The following RAB7A variants were observed in gnomAD, a reference collection of about 807,000 sequenced individuals.
The protein encoded by RAB7A is ras-related protein Rab-7a.
Under a neutral mutation model 24.5 loss-of-function variants are expected in RAB7A, and 2 were observed. The ratio of observed to expected loss-of-function variants is 0.08; its 90% CI spans 0.03 to 0.26. RAB7A has a LOEUF of 0.26. RAB7A is among the 10% of genes least tolerant of loss of function. RAB7A has a pLI of 1.00. For missense variants in RAB7A, 118 were observed against 255.7 expected (o/e 0.46, Z 3.67); for synonymous variants, 100 against 95.9 (o/e 1.04, Z -0.25).
intron 1 of RAB7A, among the ~76,000 whole-genome samples, chr3:128,789,621 C>T (rs1933412304): frequency 6.6e-6 from 1 of 152,086 alleles, no homozygotes; most frequent in South Asian, 2.1e-4. Flanking sequence ...GCATGAGTCA[C>T]CCATGCCTGG....
intron 1 of RAB7A, among the ~76,000 whole-genome samples, chr3:128,760,646 G>A (rs969349782): frequency 6.6e-6 from 1 of 152,200 alleles, no homozygotes; most frequent in Non-Finnish European, 1.5e-5. Context: ...GTGGAAGCAA[G>A]GAAATTCATC....
intron 5 of RAB7A, among the ~76,000 whole-genome samples, chr3:128,809,650 C>T (rs1249109366): frequency 6.6e-6 from 1 of 152,190 alleles, no homozygotes; most frequent in Non-Finnish European, 1.5e-5. Context: ...CCTGTGTCTA[C>T]CTCAGATTTT....
intron 3 of RAB7A, among the ~76,000 whole-genome samples, chr3:128,801,917 C>G (rs1282327251): frequency 1.3e-5 from 2 of 152,062 alleles, no homozygotes; most frequent in East Asian, 3.9e-4. Flanking sequence ...CTGACAAGCA[C>G]AGCACTGAGG....
chr3:128,730,872 G>T (rs1485386216), intron 1 of RAB7A, among the ~76,000 whole-genome samples: 1 of 152,170 alleles, frequency 6.6e-6, no homozygotes, highest in Admixed American at 6.6e-5. Context: ...GCCTGATTCT[G>T]TTGTCCACTT....
chr3:128,803,937 A>G (rs1933749709), intron 3 of RAB7A, among the ~76,000 whole-genome samples: 1 of 152,204 alleles, frequency 6.6e-6, no homozygotes, highest in East Asian at 1.9e-4. Context: ...TGGAGAAAAC[A>G]AAACATTTTG....
chr3:128,780,297 G>C (rs1933190496), intron 1 of RAB7A, among the ~76,000 whole-genome samples: 1 of 152,202 alleles, frequency 6.6e-6, no homozygotes, highest in African/African-American at 2.4e-5. Flanking sequence ...AGTACAGTCT[G>C]ATTAATGCTT....
chr3:128,781,968 G>A (rs1040371422), intron 1 of RAB7A, among the ~76,000 whole-genome samples: 1 of 151,970 alleles, frequency 6.6e-6, no homozygotes, highest in Admixed American at 6.5e-5. Flanking sequence ...AGCCAAGATC[G>A]CGCCACTGCA....
chr3:128,756,955 T>C (rs2070734449), intron 1 of RAB7A, among the ~76,000 whole-genome samples: 1 of 151,902 alleles, frequency 6.6e-6, no homozygotes, highest in Non-Finnish European at 1.5e-5. Flanking sequence ...GCGATTCTCC[T>C]GCTTCAGCTT....
At chr3:128,785,420 C>T (rs1933317314) in intron 1 of RAB7A, 6 of 152,100 alleles carry the variant, frequency 3.9e-5, no homozygotes, top group Admixed American at 3.9e-4. Flanking sequence ...TGCACTCCAA[C>T]CTGGACAACA....
At chr3:128,769,612 C>T (rs2070865493) in intron 1 of RAB7A, among the ~76,000 whole-genome samples, 1 of 152,176 alleles carries the variant, frequency 6.6e-6, no homozygotes, top group Non-Finnish European at 1.5e-5. Context: ...TTTGGAAGAG[C>T]AGAAGCTCTT....
At chr3:128,750,151 G>GTGGCTCT (rs2070662381) in intron 1 of RAB7A, among the ~76,000 whole-genome samples, 1 of 152,340 alleles carries the variant, frequency 6.6e-6, no homozygotes, top group South Asian at 2.1e-4. Flanking sequence ...TAGAGCAAAG[G>GTGGCTCT]TGGCTCTTGT....
At chr3:128,795,918 G>C (rs934066672) in intron 2 of RAB7A, among the ~76,000 whole-genome samples, 6 of 151,420 alleles carry the variant, frequency 4.0e-5, no homozygotes, top group Non-Finnish European at 4.4e-5. Flanking sequence ...CGCCCGGCTA[G>C]TTTTTTGTAT....
chr3:128,805,002 G>GTATC (rs1262388742), intron 3 of RAB7A, among the ~76,000 whole-genome samples: 11 of 152,194 alleles, frequency 7.2e-5, no homozygotes, highest in African/African-American at 2.7e-4. Context: ...AATGTGGAGA[G>GTATC]TATCACATGT....
chr3:128,757,791 T>A (rs980774870), intron 1 of RAB7A, among the ~76,000 whole-genome samples: 2 of 152,174 alleles, frequency 1.3e-5, no homozygotes, highest in Non-Finnish European at 1.5e-5. Context: ...GTGCTGGGAT[T>A]ATAGGCATGA....
At chr3:128,753,272 AAT>A (rs1257490677) in intron 1 of RAB7A, among the ~76,000 whole-genome samples, 2 of 152,178 alleles carry the variant, frequency 1.3e-5, no homozygotes, top group African/African-American at 4.8e-5. Context: ...CAGAAAAACA[AAT>A]ATTGCATGTT....
intron 5 of RAB7A, among the ~76,000 whole-genome samples, chr3:128,809,961 T>C (rs2107617118): frequency 8.6e-6 from 1 of 116,378 alleles, no homozygotes; most frequent in East Asian, 2.2e-4. Context: ...TTTTTTTTTT[T>C]TTTTTGAGAC....
At chr3:128,780,282 G>T (rs1373336446) in intron 1 of RAB7A, among the ~76,000 whole-genome samples, 1 of 152,172 alleles carries the variant, frequency 6.6e-6, no homozygotes, top group Admixed American at 6.5e-5. Flanking sequence ...AAGGAAAGGG[G>T]CCAAAGTACA....
intron 1 of RAB7A, among the ~76,000 whole-genome samples, chr3:128,785,746 CA>C (rs35368201): frequency 0.071 from 6,191 of 86,702 alleles, 127 homozygotes; most frequent in African/African-American, 0.13. Flanking sequence ...AAGACTGTCT[CA>C]AAAAAAAAAA....
chr3:128,807,604 C>T lies in RAB7A; in HGVS notation c.461C>T (p.Thr154Ile), dbSNP rs770494797. Reference sequence around the variant, plus strand: ...AAAAACAACATTCCCTACTTTGAGACCAGTGCCAAGGAGGCCATCAACGTG... The same window carrying T: ...AAAAACAACATTCCCTACTTTGAGATCAGTGCCAAGGAGGCCATCAACGTG... ...YSKNNIPYFETSAKEAINVEQ... is the reference protein window; with the variant it reads ...YSKNNIPYFEISAKEAINVEQ... Residue 154 changes from threonine (T) to isoleucine (I), a missense_variant, in exon 5 of 6, where the codon ACC becomes ATC. This residue lies in a region of RAB7A where 66 missense variants were observed against 82.2 expected (regional missense o/e 0.80). Coordinates refer to ENST00000265062, the MANE Select transcript of RAB7A (RefSeq NM_004637.6). 1 of 1,614,100 alleles carries T rather than the reference C, an allele frequency of 6.2e-7. No individual in the cohort carries two copies. Among genetic ancestry groups the T allele is most frequent in the Non-Finnish European group, 8.5e-7 (1 of 1,180,054 alleles).
Sources: allele counts gnomAD v4.1 joint callset (sites outside exome capture counted in the v4.1 genomes callset), GRCh38; gene constraint gnomAD v4.1.1; regional missense constraint gnomAD v4.1.1; transcripts MANE v1.5; gene names NCBI Gene and HGNC (gene_info 2026-07-23, HGNC 2026-07-21).